Variants in FBXW10B observed in about 807,000 individuals in gnomAD.
FBXW10B encodes F-box and WD repeat domain containing protein 10B.
At chr17:15,598,119 G>A in the FBXW10B span, among the ~76,000 whole-genome samples, 1 of 152,062 alleles carries the variant, frequency 6.6e-6, no homozygotes, top group Non-Finnish European at 1.5e-5. Flanking sequence ...ATTAAATAAT[G>A]TATGTTAAGC....
the FBXW10B span, among the ~76,000 whole-genome samples, chr17:15,580,535 A>G: frequency 0.2 from 12,451 of 63,644 alleles, 1,906 homozygotes; most frequent in East Asian, 0.5. Flanking sequence ...AATTGAAGAT[A>G]AAAATAGTGG....
At chr17:15,600,327 A>G in the FBXW10B span, among the ~76,000 whole-genome samples, 2 of 148,560 alleles carry the variant, frequency 1.3e-5, no homozygotes, top group African/African-American at 5.0e-5. Context: ...TTTTCTTCTA[A>G]TATTCCCAAG....
the FBXW10B span, among the ~76,000 whole-genome samples, chr17:15,612,283 G>A: frequency 9.2e-5 from 14 of 152,114 alleles, no homozygotes; most frequent in Admixed American, 2.6e-4. Context: ...CGAGGCGGGC[G>A]GATCACAAGG....
the FBXW10B span, among the ~76,000 whole-genome samples, chr17:15,589,663 A>G: frequency 1.3e-5 from 2 of 152,108 alleles, no homozygotes; most frequent in Admixed American, 1.3e-4. Context: ...GCTCATTTTT[A>G]CCATCTGTAA....
At chr17:15,595,830 A>C in the FBXW10B span, among the ~76,000 whole-genome samples, 8 of 152,130 alleles carry the variant, frequency 5.3e-5, no homozygotes, top group Admixed American at 4.6e-4. Context: ...AGCATGGAGA[A>C]AAAAAATTCT....
At chr17:15,602,624 GT>G in the FBXW10B span, among the ~76,000 whole-genome samples, 197 of 75,362 alleles carry the variant, frequency 2.6e-3, 2 homozygotes, top group East Asian at 0.012. Flanking sequence ...TTGAGACCGA[GT>G]TTTTTTTTTT....
the FBXW10B span, among the ~76,000 whole-genome samples, chr17:15,606,297 T>C: frequency 7.1e-6 from 1 of 140,696 alleles, no homozygotes. Flanking sequence ...AGCAGGGATG[T>C]ATAGTCACTC....
chr17:15,590,450 G>T, the FBXW10B span, among the ~76,000 whole-genome samples: 15,891 of 144,822 alleles, frequency 0.11, 796 homozygotes, highest in East Asian at 0.25. Context: ...GGGGTCCTTT[G>T]GTGAGGTTTG....
the FBXW10B span, among the ~76,000 whole-genome samples, chr17:15,600,831 C>G: frequency 6.6e-6 from 1 of 151,792 alleles, no homozygotes; most frequent in Non-Finnish European, 1.5e-5. Context: ...GGGCAGATCA[C>G]GAGGTCAGGA....
the FBXW10B span, chr17:15,607,687 A>C: frequency 6.2e-7 from 1 of 1,611,630 alleles, no homozygotes. Flanking sequence ...ACTCATTCTA[A>C]CAAGGGAATA....
chr17:15,609,732 C>G, the FBXW10B span, among the ~76,000 whole-genome samples: 1 of 151,994 alleles, frequency 6.6e-6, no homozygotes, highest in Non-Finnish European at 1.5e-5. Context: ...CCCTGAGAAG[C>G]ACTCACCTCC....
the FBXW10B span, among the ~76,000 whole-genome samples, chr17:15,606,064 A>G: frequency 7.1e-6 from 1 of 141,418 alleles, no homozygotes; most frequent in Non-Finnish European, 1.5e-5. Flanking sequence ...GAAAGGGGAC[A>G]CTATTTATTT....
chr17:15,574,282 G>A, the FBXW10B span: 1 of 540,966 alleles, frequency 1.8e-6, no homozygotes, highest in African/African-American at 2.1e-5. Context: ...ATCATGTTTG[G>A]GAAAATACTG....
chr17:15,618,757 G>A, the FBXW10B span, among the ~76,000 whole-genome samples: 1 of 152,146 alleles, frequency 6.6e-6, no homozygotes, highest in Non-Finnish European at 1.5e-5. Flanking sequence ...TATGATAAAT[G>A]CTTGTGAGTT....
chr17:15,612,877 T>C, the FBXW10B span: 1 of 1,593,616 alleles, frequency 6.3e-7, no homozygotes, highest in Non-Finnish European at 8.5e-7. Context: ...TTCTCTTGGC[T>C]CCAACTCTGC....
the FBXW10B span, among the ~76,000 whole-genome samples, chr17:15,605,950 G>C: frequency 1.4e-5 from 2 of 145,456 alleles, no homozygotes; most frequent in Non-Finnish European, 3.0e-5. Context: ...CATAAAACTA[G>C]GTGAGTTGAA....
the FBXW10B span, among the ~76,000 whole-genome samples, chr17:15,602,496 G>A: frequency 3.4e-5 from 5 of 146,362 alleles, no homozygotes; most frequent in Admixed American, 6.9e-5. Context: ...GTTGATAGAA[G>A]AAAATATTAG....
the FBXW10B span, among the ~76,000 whole-genome samples, chr17:15,602,803 A>ATTTTTTT: frequency 8.4e-6 from 1 of 119,232 alleles, no homozygotes. Context: ...AATTTTTTGT[A>ATTTTTTT]TTTTCAGTAG....
At chr17:15,604,989 C>T in the FBXW10B span, among the ~76,000 whole-genome samples, 7 of 152,136 alleles carry the variant, frequency 4.6e-5, no homozygotes, top group East Asian at 1.4e-3. Context: ...TTGCAGTCAT[C>T]AATTAGAAAA....
Sources: gnomAD v4.1 joint callset for allele counts (sites outside exome capture counted in the v4.1 genomes callset) on GRCh38, gnomAD v4.1.1 for gene constraint, MANE v1.5 for transcripts, NCBI Gene and HGNC (gene_info 2026-07-23, HGNC 2026-07-21) for gene names.